Variants in TTC6 observed in about 807,000 individuals in gnomAD.
TTC6 encodes tetratricopeptide repeat protein 6.
A neutral mutation model predicts 210.4 loss-of-function variants in TTC6; 172 were observed. The observed-to-expected ratio is 0.82, with a 90% CI of 0.72 to 0.93. The LOEUF (loss-of-function observed/expected upper bound fraction) is 0.93, where lower values mean the gene tolerates loss of function less well. Ranked by LOEUF, TTC6 falls within the 40% of genes least tolerant of loss-of-function variation. The pLI, the probability that TTC6 is intolerant of heterozygous loss-of-function variation, is 0.00. For synonymous variants in TTC6, 804 were observed against 819.6 expected (o/e 0.98, Z 0.32); for missense variants, 2,414 against 2,318.1 (o/e 1.04, Z -0.85).
intron 26 of TTC6, among the ~76,000 whole-genome samples, chr14:37,821,510 C>T (rs1227206824): frequency 6.6e-6 from 1 of 152,126 alleles, no homozygotes; most frequent in Non-Finnish European, 1.5e-5. Flanking sequence ...TTAACCTTTG[C>T]TTGCTTGTAA....
At chr14:37,653,541 A>G (rs1031447716) in intron 1 of TTC6, among the ~76,000 whole-genome samples, 3 of 151,256 alleles carry the variant, frequency 2.0e-5, no homozygotes, top group Admixed American at 1.3e-4. Context: ...AATTCCTGCT[A>G]GCATGTTTCA....
chr14:37,835,870 GT>G (rs1234573361), intron 29 of TTC6, among the ~76,000 whole-genome samples: 1 of 152,114 alleles, frequency 6.6e-6, no homozygotes, highest in African/African-American at 2.4e-5. Context: ...ATGTCATGCA[GT>G]TGTTTCTGTG....
chr14:37,685,314 A>G (rs928478284), intron 3 of TTC6, among the ~76,000 whole-genome samples: 4 of 152,202 alleles, frequency 2.6e-5, no homozygotes, highest in African/African-American at 9.6e-5. Flanking sequence ...AAAAATATCC[A>G]TAGAAATGCA....
chr14:37,695,523 T>A (rs561841325), intron 3 of TTC6, among the ~76,000 whole-genome samples: 1 of 152,122 alleles, frequency 6.6e-6, no homozygotes, highest in African/African-American at 2.4e-5. Flanking sequence ...CCTAGCTAAT[T>A]TTGTAGTTTT....
intron 3 of TTC6, among the ~76,000 whole-genome samples, chr14:37,683,863 T>G (rs958431723): frequency 3.9e-5 from 6 of 152,122 alleles, no homozygotes; most frequent in Non-Finnish European, 7.4e-5. Flanking sequence ...AAAATAGATA[T>G]ATTATTAGCA....
At chr14:37,637,918 G>A (rs577643479) in intron 1 of TTC6, among the ~76,000 whole-genome samples, 19 of 152,286 alleles carry the variant, frequency 1.2e-4, no homozygotes, top group African/African-American at 4.6e-4. Flanking sequence ...CTGGAAAACA[G>A]TTTGGCAGTT....
chr14:37,779,943 C>T (rs1161978549), intron 14 of TTC6, among the ~76,000 whole-genome samples: 1 of 152,096 alleles, frequency 6.6e-6, no homozygotes, highest in Non-Finnish European at 1.5e-5. Context: ...ACAGTCAAAT[C>T]TTATCACTCC....
intron 1 of TTC6, among the ~76,000 whole-genome samples, chr14:37,600,044 G>A (rs1001827725): frequency 2.0e-5 from 3 of 152,186 alleles, no homozygotes; most frequent in Non-Finnish European, 4.4e-5. Flanking sequence ...GGGCTTTCCC[G>A]CTCTACTTTA....
chr14:37,790,437 C>T (rs1343567530), intron 15 of TTC6, among the ~76,000 whole-genome samples: 1 of 152,172 alleles, frequency 6.6e-6, no homozygotes, highest in Non-Finnish European at 1.5e-5. Flanking sequence ...TTAATCTCCT[C>T]ACCTATACGG....
intron 5 of TTC6, among the ~76,000 whole-genome samples, chr14:37,702,245 A>T (rs2095826838): frequency 6.6e-6 from 1 of 152,166 alleles, no homozygotes. Flanking sequence ...TGAAGTTCTT[A>T]TCTCTTGATA....
chr14:37,693,578 AAAAC>A (rs2095808532), intron 3 of TTC6, among the ~76,000 whole-genome samples: 1 of 152,024 alleles, frequency 6.6e-6, no homozygotes, highest in Non-Finnish European at 1.5e-5. Context: ...TAAGCAAACA[AAAAC>A]AAAAACCATA....
chr14:37,667,082 C>G (rs1358571218), intron 1 of TTC6, among the ~76,000 whole-genome samples: 1 of 149,880 alleles, frequency 6.7e-6, no homozygotes, highest in Admixed American at 6.6e-5. Context: ...ATAAACCATG[C>G]TGTTTTCTTT....
intron 10 of TTC6, among the ~76,000 whole-genome samples, chr14:37,740,141 C>T (rs1236114201): frequency 1.5e-4 from 21 of 135,680 alleles, no homozygotes; most frequent in East Asian, 4.4e-4. Flanking sequence ...CCAGCCTGGG[C>T]GACAGAGCGA....
At chr14:37,729,638 C>A (rs2138869020) in intron 7 of TTC6, among the ~76,000 whole-genome samples, 1 of 152,258 alleles carries the variant, frequency 6.6e-6, no homozygotes, top group East Asian at 1.9e-4. Context: ...GCTCTTTCTA[C>A]CTAATCCTTC....
At chr14:37,601,700 A>G (rs1445266281) in intron 1 of TTC6, among the ~76,000 whole-genome samples, 3 of 152,162 alleles carry the variant, frequency 2.0e-5, no homozygotes, top group African/African-American at 4.8e-5. Context: ...CCTGTCATCA[A>G]TGCCTGATTT....
At chr14:37,824,788 T>TAGG (rs1354823149) in intron 27 of TTC6, among the ~76,000 whole-genome samples, 1 of 152,252 alleles carries the variant, frequency 6.6e-6, no homozygotes, top group East Asian at 1.9e-4. Context: ...GGGCCGTGGC[T>TAGG]AGGATACAGT....
At chr14:37,836,799 G>A (rs1038904109) in intron 29 of TTC6, among the ~76,000 whole-genome samples, 1 of 152,098 alleles carries the variant, frequency 6.6e-6, no homozygotes, top group Non-Finnish European at 1.5e-5. Flanking sequence ...ATGGAGGTAA[G>A]ACTTAGGCTA....
At chr14:37,739,195 T>C (rs1487374807) in intron 10 of TTC6, 40 bp downstream of exon 12, 2 of 1,446,510 alleles carry the variant, frequency 1.4e-6, no homozygotes, top group South Asian at 1.5e-5. Flanking sequence ...AAGAAATATA[T>C]TGTGGTTTTG....
intron 3 of TTC6, among the ~76,000 whole-genome samples, chr14:37,690,333 C>G (rs1194226817): frequency 6.6e-6 from 1 of 151,890 alleles, no homozygotes; most frequent in Non-Finnish European, 1.5e-5. Context: ...CACAAAATAA[C>G]CAGAAAACAA....
Sources: gnomAD v4.1 joint callset for allele counts (sites outside exome capture counted in the v4.1 genomes callset) on GRCh38, gnomAD v4.1.1 for gene constraint, MANE v1.5 for transcripts, NCBI Gene and HGNC (gene_info 2026-07-23, HGNC 2026-07-21) for gene names.